WBP2NL: variants seen among roughly 807,000 people sequenced by gnomAD.
WBP2NL encodes postacrosomal sheath WW domain-binding protein.
WBP2NL carries 27 observed loss-of-function variants against 23.3 expected under a neutral mutation model. That is an observed-to-expected ratio of 1.16 (90% CI 0.85 to 1.60). The LOEUF (loss-of-function observed/expected upper bound fraction) is 1.60. WBP2NL is among the 40% of genes most tolerant of loss of function. The probability of loss-of-function intolerance (pLI) is 0.00; values close to 1 mark genes in which losing one functional copy is unlikely to be tolerated. For missense variants in WBP2NL, 370 were observed against 389.5 expected, an observed-to-expected ratio of 0.95 and a Z score of 0.42; for synonymous variants, 151 against 145.9, an observed-to-expected ratio of 1.03 and a Z score of -0.25.
In WBP2NL at chr22:42,001,582, A is replaced by G. The variant is rs548822779; in HGVS notation, c.62+2702A>G. 2.9e-5 allele frequency: 33 copies of G among 1,133,008 alleles called. No homozygotes were observed. The East Asian group carries it at 7.7e-4, about 27-fold the overall frequency. The allele number at this position is 1,133,008 out of a possible 1,614,324, so 70.2% of individuals were successfully genotyped here. On this transcript the variant is annotated intron_variant, in intron 1 of 5. Coordinates refer to ENST00000328823, the MANE Select transcript of WBP2NL (RefSeq NM_152613.3). ...GGGCAAAATCAAGAGGGTACACAAAACACAAGGATGTGGCCCCAGTGGCAC... is the reference window on the plus strand; with the variant it reads ...GGGCAAAATCAAGAGGGTACACAAAGCACAAGGATGTGGCCCCAGTGGCAC...
At chr22:42,021,749 G>A (rs186917456) in intron 4 of WBP2NL, among the ~76,000 whole-genome samples, 294 of 151,282 alleles carry the variant, frequency 1.9e-3, no homozygotes, top group African/African-American at 6.2e-3. Flanking sequence ...CTTAAGACAC[G>A]TGCCATTCAG....
At chr22:42,048,685 G>A (rs367554421) in intron 8 of WBP2NL, among the ~76,000 whole-genome samples, 1 of 151,670 alleles carries the variant, frequency 6.6e-6, no homozygotes, top group Non-Finnish European at 1.5e-5. Flanking sequence ...GAACCCAGGA[G>A]GCGGAGCTTG....
At chr22:42,016,725 CAT>C (rs1923341765) in intron 1 of WBP2NL, among the ~76,000 whole-genome samples, 2 of 152,144 alleles carry the variant, frequency 1.3e-5, no homozygotes. Context: ...CCTGTATTTT[CAT>C]AGTCTTTTAA....
intron 1 of WBP2NL, among the ~76,000 whole-genome samples, chr22:42,011,734 G>GC (rs1922836892): frequency 6.6e-6 from 1 of 151,474 alleles, no homozygotes; most frequent in Non-Finnish European, 1.5e-5. Context: ...TAACTCCTTG[G>GC]CATCAGTTTT....
At chr22:42,032,859 C>T, downstream of WBP2NL, 1 of 255,832 alleles carries the variant, frequency 3.9e-6, no homozygotes. Context: ...GATTTAGTAG[C>T]CAATATAAGA....
intron 1 of WBP2NL, among the ~76,000 whole-genome samples, chr22:42,007,766 A>G (rs1263601306): frequency 1.3e-5 from 2 of 152,166 alleles, no homozygotes; most frequent in Non-Finnish European, 2.9e-5. Flanking sequence ...ATTCCATTGT[A>G]TGTATGTGCC....
At position 42,050,116 on chromosome 22, in the gene WBP2NL, G is replaced by C. The variant is rs11912704; in HGVS notation, c.*274-8174G>C. ...GGAAGATTGCTTGAGGCCAGTTTAA[G>C]ACCAGTCTGGGCAACATAGTGAGAC... On this transcript the variant is annotated intron_variant and NMD_transcript_variant, in intron 8 of 8. Transcript: ENST00000436265. 2.4e-3 allele frequency among the ~76,000 whole-genome samples: 361 copies of C among 151,962 alleles called. 1 individual carries two copies. The highest frequency in any genetic ancestry group is 8.5e-3 in the African/African-American group (353 of 41,464).
chr22:42,025,835 T>C (rs577195520), intron 5 of WBP2NL, among the ~76,000 whole-genome samples: 1 of 152,332 alleles, frequency 6.6e-6, no homozygotes, highest in East Asian at 1.9e-4. Context: ...TCATGTTTAT[T>C]GTAAGGTTAA....
At position 42,028,099 on chromosome 22, in the gene WBP2NL, A is replaced by G; in HGVS notation, c.*918A>G. The G allele has an allele frequency of 2.5e-6, 1 of 398,512 alleles. No homozygotes were observed. Among genetic ancestry groups the G allele is most frequent in the Non-Finnish European group, 4.4e-6 (1 of 226,002 alleles). The allele number at this position is 398,512 out of a possible 1,614,324, so 24.7% of individuals were successfully genotyped here. ...ACAAAGATGCATGTGGGAAGATTTC[A>G]TTATATTCATTGTTTCTAACAGCAC... On this transcript the variant is annotated 3_prime_UTR_variant, in exon 6 of 6. Transcript: ENST00000328823.
intron 8 of WBP2NL, among the ~76,000 whole-genome samples, chr22:42,043,475 G>A (rs1925473126): frequency 6.6e-6 from 1 of 152,170 alleles, no homozygotes; most frequent in Admixed American, 6.5e-5. Context: ...GTGAAGGCGA[G>A]GACCAACAGT....
chr22:42,031,393 G>A (rs768523885), downstream of WBP2NL: 2 of 152,144 alleles, frequency 1.3e-5, no homozygotes, highest in African/African-American at 2.4e-5. Context: ...GACGTTTTGA[G>A]TACTTTCTTT....
chr22:42,041,609 T>C (rs1403871771), intron 8 of WBP2NL, among the ~76,000 whole-genome samples: 1 of 152,170 alleles, frequency 6.6e-6, no homozygotes, highest in African/African-American at 2.4e-5. Flanking sequence ...AGTGTCCTTA[T>C]AGCTAAAGTA....
intron 1 of WBP2NL, chr22:42,002,664 G>C (rs1337790099): frequency 6.6e-6 from 1 of 152,118 alleles, no homozygotes; most frequent in Admixed American, 6.5e-5. Context: ...TCACAGGTGG[G>C]AAAACAAAAA....
Position 42,019,429 on chromosome 22 carries a change from A to T in WBP2NL, c.171+10A>T. The T allele has an allele frequency of 1.9e-6, 3 of 1,608,672 alleles. No individual in the cohort carries two copies. The highest frequency in any genetic ancestry group is 2.5e-6 in the Non-Finnish European group (3 of 1,177,012). ...TCTCACTTCATACCGGGTAATTTCT[A>T]CTTCTACTTTAATCTGCTGATTAAC... On this transcript the variant is annotated intron_variant, in intron 2 of 5. Transcript: ENST00000328823.
At chr22:42,018,573 G>C (rs571498116) in intron 1 of WBP2NL, among the ~76,000 whole-genome samples, 2 of 152,154 alleles carry the variant, frequency 1.3e-5, no homozygotes, top group South Asian at 4.1e-4. Flanking sequence ...GTGAGTCCAA[G>C]TTTTCCAGGT....
At chr22:42,005,156 G>A (rs553732275) in intron 1 of WBP2NL, among the ~76,000 whole-genome samples, 5 of 151,856 alleles carry the variant, frequency 3.3e-5, no homozygotes, top group African/African-American at 9.7e-5. Flanking sequence ...GGCGGAGGTT[G>A]CAATGAGCCA....
At chr22:42,008,800 A>T (rs866050914) in intron 1 of WBP2NL, among the ~76,000 whole-genome samples, 1 of 142,790 alleles carries the variant, frequency 7.0e-6, no homozygotes, top group Middle Eastern at 4.1e-3. Flanking sequence ...TTTTTCTAAG[A>T]TGGAGTCTCG....
At chr22:42,000,000 C>T (rs1921449531) in intron 1 of WBP2NL, among the ~76,000 whole-genome samples, 1 of 152,124 alleles carries the variant, frequency 6.6e-6, no homozygotes, top group South Asian at 2.1e-4. Context: ...GCCCCCTTTC[C>T]CGTTTCCTAC....
At chr22:42,023,099 A>G (rs1325397819) in intron 5 of WBP2NL, among the ~76,000 whole-genome samples, 4 of 152,176 alleles carry the variant, frequency 2.6e-5, no homozygotes, top group Admixed American at 2.0e-4. Flanking sequence ...AATGTGTACA[A>G]TTCAGTGGTA....
Sources: allele counts gnomAD v4.1 joint callset (sites outside exome capture counted in the v4.1 genomes callset), GRCh38; gene constraint gnomAD v4.1.1; transcripts MANE v1.5; gene names NCBI Gene and HGNC (gene_info 2026-07-23, HGNC 2026-07-21).